The following PSG9 variants were observed in gnomAD, a reference collection of about 807,000 sequenced individuals.
PSG9 encodes pregnancy specific beta-1-glycoprotein 9.
PSG9 carries 49 observed loss-of-function variants against 41.9 expected under a neutral mutation model. The ratio of observed to expected loss-of-function variants is 1.17; its 90% confidence interval spans 0.93 to 1.48. The LOEUF (loss-of-function observed/expected upper bound fraction) is 1.48, where lower values mean the gene tolerates loss of function less well. PSG9 is among the 40% of genes most tolerant of loss of function. The pLI, the probability that PSG9 is intolerant of heterozygous loss-of-function variation, is 0.00. For synonymous variants in PSG9, 263 were observed against 196.8 expected (o/e 1.34, Z -2.82); for missense variants, 641 against 520.3 (o/e 1.23, Z -2.26).
At chr19:43,263,697 T>C (rs988954264) in intron 2 of PSG9, among the ~76,000 whole-genome samples, 7 of 152,082 alleles carry the variant, frequency 4.6e-5, no homozygotes, top group African/African-American at 1.4e-4. Flanking sequence ...AGTATTTCTC[T>C]TGAGACCAAA....
chr19:43,267,631 C>T (rs1253395489), intron 2 of PSG9, among the ~76,000 whole-genome samples, 153 bp downstream of exon 2: 2 of 152,082 alleles, frequency 1.3e-5, no homozygotes, highest in Admixed American at 6.5e-5. Flanking sequence ...AATTTGTCTC[C>T]TCTGTGTGTG....
intron 2 of PSG9, among the ~76,000 whole-genome samples, chr19:43,263,717 A>C: frequency 6.6e-6 from 1 of 152,134 alleles, no homozygotes; most frequent in Non-Finnish European, 1.5e-5. Context: ...AATAAGGTTT[A>C]GGTGTGCCGT....
chr19:43,267,362 A>T (rs1034313569), intron 2 of PSG9, among the ~76,000 whole-genome samples: 7 of 152,114 alleles, frequency 4.6e-5, no homozygotes, highest in African/African-American at 1.7e-4. Flanking sequence ...CCTCAGCTTA[A>T]CTGGAGCAAG....
intron 2 of PSG9, among the ~76,000 whole-genome samples, chr19:43,264,618 C>T (rs544666352): frequency 8.5e-5 from 13 of 152,176 alleles, no homozygotes; most frequent in South Asian, 6.2e-4. Context: ...CCACCACGCC[C>T]GGCTAATTTT....
intron 2 of PSG9, among the ~76,000 whole-genome samples, chr19:43,266,717 C>T (rs1968985982): frequency 6.6e-6 from 1 of 152,066 alleles, no homozygotes; most frequent in African/African-American, 2.4e-5. Flanking sequence ...GGATTTGAGC[C>T]AATAAATGAC....
rs1305115144 is a variant in PSG9, at chr19:43,268,273, C to G, written c.65-124G>C. The G allele has an allele frequency of 8.6e-5, 117 of 1,362,858 alleles. 2 individuals are homozygous for G. The East Asian group carries it at 2.6e-3, about 30-fold the overall frequency. The allele number at this position is 1,362,858 out of a possible 1,614,324, so 84.4% of individuals were successfully genotyped here. ...TTGAAGATACACACACGCACACATA[C>G]AAACAAACACACACAAAAAACGGGC... On this transcript the variant is annotated intron_variant, in intron 1 of 5. Transcript: ENST00000270077.
rs775144530 is a variant in PSG9 at position 43,269,268 on chromosome 19, A to T, written c.64+100T>A. On this transcript the variant is annotated intron_variant, in intron 1 of 5. Transcript: ENST00000270077. ...ATCCACCCACCTCAGCCTCCCTAAG[A>T]GCTGGCTTCTTTTATTTTACAACCC... The T allele has an allele frequency of 3.4e-5, 54 of 1,584,926 alleles. 1 individual carries two copies. The highest frequency in any genetic ancestry group is 1.9e-4 in the Admixed American group (11 of 58,802).
chr19:43,265,443 A>G, intron 2 of PSG9, among the ~76,000 whole-genome samples: 1 of 152,100 alleles, frequency 6.6e-6, no homozygotes, highest in East Asian at 1.9e-4. Flanking sequence ...CCTATGACTA[A>G]TGGCTCAGTC....
In PSG9 at chr19:43,258,280, T is replaced by A. The variant is rs1262163639; in HGVS notation, c.1165A>T (p.Ser389Cys). ...TGAACAGAGCAAGCATAGAGCCCGC[T>A]ATGATTTCTAGTAATTTGGGGGATA... The part of the protein sequence containing the change: ...LFIPQITRNH[S>C]GLYACSVHNS... The change falls in exon 5 of 6, where the codon AGC becomes TGC. Residue 389 changes from serine (S) to cysteine (C), a missense_variant. Physicochemically the swap from Ser to Cys is moderately radical, Grantham distance 112. Coordinates refer to ENST00000270077, the MANE Select transcript of PSG9 (RefSeq NM_002784.5). 6.3e-7 allele frequency: 1 copy of A among 1,592,864 alleles called. No homozygotes were observed. The highest frequency in any genetic ancestry group is 8.5e-7 in the Non-Finnish European group (1 of 1,174,480).
chr19:43,268,246 C>T lies in PSG9; in HGVS notation c.65-97G>A, dbSNP rs192007102. On this transcript the variant is annotated intron_variant, in intron 1 of 5. Coordinates refer to ENST00000270077, the MANE Select transcript of PSG9 (RefSeq NM_002784.5). Reference sequence around the variant, plus strand: ...CTGAGAAGGTCTCTTCCATCCTCAGCCTTGAAGATACACACACGCACACAT... The same window carrying T: ...CTGAGAAGGTCTCTTCCATCCTCAGTCTTGAAGATACACACACGCACACAT... The T allele has an allele frequency of 3.3e-4, 476 of 1,436,868 alleles. 2 individuals carry two copies. The highest frequency in any genetic ancestry group is 2.0e-3 in the Middle Eastern group (10 of 5,058). The allele number at this position is 1,436,868 out of a possible 1,614,324, so 89.0% of individuals were successfully genotyped here. A position where few individuals can be genotyped will look rare whatever the true frequency, so the allele number is the denominator to read the frequency against.
At chr19:43,267,401 G>T (rs1327842443) in intron 2 of PSG9, among the ~76,000 whole-genome samples, 1 of 152,082 alleles carries the variant, frequency 6.6e-6, no homozygotes, top group Admixed American at 6.5e-5. Flanking sequence ...TGGGGTTGAG[G>T]CTTCTAGGGC....
chr19:43,254,527 T>A (rs1360671307), intron 5 of PSG9, among the ~76,000 whole-genome samples: 3 of 146,080 alleles, frequency 2.1e-5, no homozygotes, highest in African/African-American at 7.8e-5. Flanking sequence ...AACTGTAAAC[T>A]CTTACATTAA....
intron 3 of PSG9, among the ~76,000 whole-genome samples, chr19:43,261,306 G>A (rs1032392298): frequency 3.9e-5 from 6 of 152,100 alleles, no homozygotes; most frequent in Admixed American, 2.6e-4. Flanking sequence ...TGATTTGGGG[G>A]ATAAAGAACA....
At chr19:43,257,210 A>C in intron 5 of PSG9, 1 of 261,418 alleles carries the variant, frequency 3.8e-6, no homozygotes, top group Non-Finnish European at 5.8e-6. Context: ...AAGGAGTGAG[A>C]GTTACTGTTT....
intron 1 of PSG9, among the ~76,000 whole-genome samples, chr19:43,268,999 CTTTCCTTT>C (rs768482120): frequency 6.6e-6 from 1 of 151,886 alleles, no homozygotes; most frequent in Non-Finnish European, 1.5e-5. Context: ...ACAGAGCCTT[CTTTCCTTT>C]TTTTCTTTTT....
chr19:43,257,762 A>G, intron 5 of PSG9: 1 of 1,254,156 alleles, frequency 8.0e-7, no homozygotes. Context: ...CCCTCACCCA[A>G]GGGGCTTCCT....
intron 2 of PSG9, among the ~76,000 whole-genome samples, chr19:43,265,528 C>T (rs144906526): frequency 6.7e-4 from 102 of 152,034 alleles, no homozygotes; most frequent in African/African-American, 2.4e-3. Flanking sequence ...GATTCCATCA[C>T]CAAACAATCA....
chr19:43,264,870 C>A (rs1011482063), intron 2 of PSG9, among the ~76,000 whole-genome samples: 1 of 152,122 alleles, frequency 6.6e-6, no homozygotes, highest in Non-Finnish European at 1.5e-5. Context: ...CCAGAAGTCT[C>A]TAGGAAGTGA....
chr19:43,260,840 A>G (rs906869790), intron 3 of PSG9: 5 of 152,112 alleles, frequency 3.3e-5, no homozygotes, highest in African/African-American at 9.7e-5. Flanking sequence ...TGAAAATGAA[A>G]TGTCTTTCCA....
Sources: gnomAD v4.1 joint callset for allele counts (sites outside exome capture counted in the v4.1 genomes callset) on GRCh38, gnomAD v4.1.1 for gene constraint, MANE v1.5 for transcripts, NCBI Gene and HGNC (gene_info 2026-07-23, HGNC 2026-07-21) for gene names.